The following ING5 variants were observed in gnomAD, a reference collection of about 807,000 sequenced individuals.
ING5 encodes inhibitor of growth protein 5.
ING5 carries 17 observed loss-of-function variants against 37.4 expected under a neutral mutation model. The ratio of observed to expected loss-of-function variants is 0.45; its 90% CI spans 0.31 to 0.68. The LOEUF is 0.68. ING5 is among the 30% of genes least tolerant of loss of function. The probability of loss-of-function intolerance (pLI) is 0.05; values close to 1 mark genes in which losing one functional copy is unlikely to be tolerated. For missense variants in ING5, 233 were observed against 311.9 expected (o/e 0.75, Z 1.91); for synonymous variants, 123 against 116.6 (o/e 1.06, Z -0.36).
upstream of ING5, among the ~76,000 whole-genome samples, chr2:241,697,144 G>A (rs978640990): frequency 6.6e-6 from 1 of 150,424 alleles, no homozygotes; most frequent in East Asian, 2.0e-4. Context: ...TCTTTAATAA[G>A]TACATGGGTG....
intron 5 of ING5, chr2:241,719,976 T>A: frequency 6.3e-6 from 8 of 1,271,974 alleles, no homozygotes; most frequent in Non-Finnish European, 7.9e-6. Context: ...TGCCCCCAAG[T>A]GGCAGTGCTG....
intron 3 of ING5, among the ~76,000 whole-genome samples, chr2:241,710,879 C>T (rs1278434807): frequency 6.6e-6 from 1 of 152,094 alleles, no homozygotes; most frequent in African/African-American, 2.4e-5. Flanking sequence ...TCCCAGAGTG[C>T]TGGGACTACA....
At chr2:241,720,973 C>T (rs2070419038) in intron 5 of ING5, 1 of 985,692 alleles carries the variant, frequency 1.0e-6, no homozygotes, top group Non-Finnish European at 1.2e-6. Context: ...CCCCGGCCCT[C>T]TCCCACAGCC....
In ING5 at chr2:241,712,013, G is replaced by C. The variant is rs753031827; in HGVS notation, c.424G>C (p.Gly142Arg). Residue 142 changes from glycine to arginine, a missense_variant, in exon 5 of 8, where the codon GGC (glycine) becomes CGC (arginine). Physicochemically the swap from Gly to Arg is moderately radical, Grantham distance 125. This residue lies in a region of ING5 where 76 missense variants were observed against 68.2 expected (regional missense o/e 1.11). Coordinates refer to ENST00000313552, the MANE Select transcript of ING5 (RefSeq NM_032329.6). ...TCAGAAAGAAAAAAGAGGGTCCCGG[G>C]GCCGAGGCAGGAGGACATCAGAGGA... ...RGQKEKRGSR[G>R]RGRRTSEEDT... 4.3e-6 allele frequency: 7 copies of C among 1,612,592 alleles called. No individual in the cohort carries two copies. The Admixed American group carries it at 5.0e-5, about 12-fold the overall frequency.
chr2:241,719,676 C>T, intron 5 of ING5: 1 of 1,531,176 alleles, frequency 6.5e-7, no homozygotes. Context: ...GACTCCAGCT[C>T]CCTGTTGGGG....
chr2:241,724,388 C>T (rs910778580), intron 7 of ING5, among the ~76,000 whole-genome samples: 11 of 152,228 alleles, frequency 7.2e-5, no homozygotes, highest in Non-Finnish European at 1.5e-4. Context: ...GCGGAGGGCC[C>T]TGGGCAGGCT....
At position 241,711,927 on chromosome 2, in the gene ING5, C is replaced by T; in HGVS notation, c.389-51C>T. 3.4e-6 allele frequency: 5 copies of T among 1,480,388 alleles called. 1 individual carries two copies. In the South Asian group the frequency reaches 3.8e-5, roughly 11 times the overall value. The allele number at this position is 1,480,388 out of a possible 1,614,324, so 91.7% of individuals were successfully genotyped here. ...TTTAAAAACAAAACACAAAACTTGC[C>T]TTGCTTTAGAGAATTCTATAAAAAT... is the stretch of plus-strand genomic sequence containing the variant. On this transcript the variant is annotated intron_variant, in intron 4 of 7. Transcript: ENST00000313552.
At chr2:241,724,636 C>T in intron 7 of ING5, 2 of 327,350 alleles carry the variant, frequency 6.1e-6, no homozygotes, top group South Asian at 7.5e-5. Flanking sequence ...GCCATGCTCT[C>T]AACGCGTGCT....
intron 2 of ING5, among the ~76,000 whole-genome samples, chr2:241,692,139 T>C (rs2069565709): frequency 6.6e-6 from 1 of 152,112 alleles, no homozygotes; most frequent in African/African-American, 2.4e-5. Flanking sequence ...TAACCGAGCT[T>C]GCAGCACACG....
Position 241,720,374 on chromosome 2 carries a change from T to A in ING5, c.483-2565T>A, listed in dbSNP as rs1054436000. The A allele has an allele frequency of 6.8e-6, 8 of 1,179,708 alleles. No homozygotes were observed. The African/African-American group carries it at 1.3e-4, about 19-fold the overall frequency. The allele number at this position is 1,179,708 out of a possible 1,614,324, so 73.1% of individuals were successfully genotyped here. A position where few individuals can be genotyped will look rare whatever the true frequency, so the allele number is the denominator to read the frequency against. ...GGACCCAGGCGCACGCACCATCCTG[T>A]CCCTGTGGACTGCCCTCTTCAGGCC... is the stretch of plus-strand genomic sequence containing the variant. On this transcript the variant is annotated intron_variant, in intron 5 of 7. Transcript: ENST00000313552.
upstream of ING5, among the ~76,000 whole-genome samples, chr2:241,698,817 C>T (rs1400284505): frequency 6.6e-6 from 1 of 152,134 alleles, no homozygotes; most frequent in Non-Finnish European, 1.5e-5. Context: ...CAGCCTCTGC[C>T]TCCTGGGTTC....
At chr2:241,695,735 G>A (rs1022080904) in intron 2 of ING5, among the ~76,000 whole-genome samples, 11 of 152,096 alleles carry the variant, frequency 7.2e-5, no homozygotes, top group South Asian at 2.1e-4. Context: ...TCTGTAAGGC[G>A]GTGATACATA....
At position 241,726,039 on chromosome 2, in the gene ING5, C is replaced by T. The variant is rs539338149; in HGVS notation, c.*1008C>T. 7.2e-5 allele frequency: 11 copies of T among 152,748 alleles called. No individual in the cohort carries two copies. Among genetic ancestry groups the T allele is most frequent in the South Asian group, 2.1e-4 (1 of 4,826 alleles). 9.5% of individuals were successfully genotyped at this position (152,748 alleles called of 1,614,324 possible). On this transcript the variant is annotated 3_prime_UTR_variant, in exon 8 of 8. Transcript: ENST00000313552. Reference sequence around the variant, plus strand: ...TTAATGAGCGTTCACCAAGCTGAGCCGGAGCCATCCTTTCGGTGGTAGTTG... The same window carrying T: ...TTAATGAGCGTTCACCAAGCTGAGCTGGAGCCATCCTTTCGGTGGTAGTTG...
chr2:241,720,673 G>C (rs530854055), intron 5 of ING5: 1 of 985,464 alleles, frequency 1.0e-6, no homozygotes. Flanking sequence ...GGAAGGGCTC[G>C]CTGGCACCGT....
chr2:241,704,226 G>T (rs557170925), intron 1 of ING5, among the ~76,000 whole-genome samples: 2 of 152,088 alleles, frequency 1.3e-5, no homozygotes, highest in Admixed American at 6.6e-5. Context: ...CTTCCGCTCC[G>T]CAAACCCTGA....
upstream of ING5, among the ~76,000 whole-genome samples, chr2:241,701,519 G>T (rs1166712130): frequency 6.6e-6 from 1 of 152,180 alleles, no homozygotes; most frequent in Admixed American, 6.5e-5. Flanking sequence ...AGCTCGCCCG[G>T]GCCACGCGGT....
chr2:241,712,233 G>T, intron 5 of ING5, 162 bp downstream of exon 5: 5 of 611,448 alleles, frequency 8.2e-6, no homozygotes, highest in Non-Finnish European at 1.1e-5. Context: ...TGTCCTCACC[G>T]CAGCCTTTGA....
intron 1 of ING5, among the ~76,000 whole-genome samples, chr2:241,703,940 G>A (rs146015523): frequency 1.3e-5 from 2 of 152,092 alleles, no homozygotes; most frequent in Non-Finnish European, 2.9e-5. Flanking sequence ...GCATAAAGTC[G>A]CGTGGGCAGC....
intron 7 of ING5, chr2:241,724,050 CTGTGCTGAAAATCTAAAAATGGATATCTA>C: frequency 1.4e-6 from 2 of 1,391,254 alleles, no homozygotes; most frequent in Non-Finnish European, 1.9e-6. Context: ...CTTTGTTTGC[CTGTGCTGAAAATCTAAAAATGGATATCTA>C]TGTTCTGAAA....
Sources: gnomAD v4.1 joint callset for allele counts (sites outside exome capture counted in the v4.1 genomes callset) on GRCh38, gnomAD v4.1.1 for gene constraint, gnomAD v4.1.1 regional missense constraint, MANE v1.5 for transcripts, NCBI Gene and HGNC (gene_info 2026-07-23, HGNC 2026-07-21) for gene names.